SLC9B1: variants seen among roughly 807,000 people sequenced by gnomAD.
SLC9B1 encodes the protein solute carrier family 9 member B1, also known as sodium/hydrogen exchanger 9B1.
A neutral mutation model predicts 51.7 loss-of-function variants in SLC9B1; 32 were observed. The ratio of observed to expected loss-of-function variants is 0.62; its 90% CI spans 0.47 to 0.83. The LOEUF (loss-of-function observed/expected upper bound fraction) is 0.83. SLC9B1 is among the 40% of genes least tolerant of loss of function. SLC9B1 has a pLI of 0.00. For missense variants in SLC9B1, 406 were observed against 613.2 expected, an observed-to-expected ratio of 0.66 and a Z score of 3.57; for synonymous variants, 145 against 212.7, an observed-to-expected ratio of 0.68 and a Z score of 2.77.
chr4:102,888,505 A>C (rs1255183581), intron 11 of SLC9B1: 1 of 152,260 alleles, frequency 6.6e-6, no homozygotes, highest in Non-Finnish European at 1.5e-5. Flanking sequence ...CACCCAGTTC[A>C]AACCCGTGTG....
intron 3 of SLC9B1, among the ~76,000 whole-genome samples, chr4:102,954,949 T>C (rs1737706709): frequency 6.6e-6 from 1 of 152,122 alleles, no homozygotes; most frequent in Admixed American, 6.5e-5. Context: ...AAAACAAACA[T>C]TTCAGGACCC....
intron 11 of SLC9B1, chr4:102,887,271 A>G: frequency 1.1e-6 from 1 of 936,732 alleles, no homozygotes; most frequent in Middle Eastern, 3.2e-4. Context: ...TTCTGAGAGC[A>G]TTTCACAAAT....
chr4:102,893,454 G>A (rs1304314883), intron 11 of SLC9B1, among the ~76,000 whole-genome samples: 2 of 152,128 alleles, frequency 1.3e-5, no homozygotes, highest in Non-Finnish European at 2.9e-5. Flanking sequence ...TAATAGACCA[G>A]TTACAAAGAA....
At chr4:102,993,540 C>T (rs191468373) in intron 1 of SLC9B1, among the ~76,000 whole-genome samples, 58 of 152,352 alleles carry the variant, frequency 3.8e-4, no homozygotes, top group African/African-American at 1.1e-3. Context: ...TTTCCAGGCA[C>T]ATGGTGCAAG....
chr4:102,927,211 C>A (rs367834735), intron 7 of SLC9B1, among the ~76,000 whole-genome samples: 1 of 152,184 alleles, frequency 6.6e-6, no homozygotes, highest in Admixed American at 6.5e-5. Context: ...ATGACTAAAA[C>A]ACCAATAGTA....
intron 6 of SLC9B1, among the ~76,000 whole-genome samples, chr4:102,937,412 TAAAA>T (rs754801733): frequency 1.8e-3 from 81 of 45,236 alleles, no homozygotes; most frequent in Admixed American, 2.7e-3. Flanking sequence ...TCAGCATTCT[TAAAA>T]AAAAAAAAAA....
chr4:102,921,152 AC>A (rs1735854031), intron 7 of SLC9B1, among the ~76,000 whole-genome samples: 1 of 152,204 alleles, frequency 6.6e-6, no homozygotes, highest in African/African-American at 2.4e-5. Flanking sequence ...TGTTAAGGGC[AC>A]CCAGAGAGAA....
At position 102,915,111 on chromosome 4, in the gene SLC9B1, A is replaced by G. The variant is rs547845380; in HGVS notation, c.830-3574T>C. On this transcript the variant is annotated intron_variant, in intron 7 of 11. Transcript: ENST00000296422. ...TATTAAAAGGGCTGAAAGAAAAAAA[A>G]AAAACTGTCAACCAAGAACTGTATA... Among the ~76,000 whole-genome samples the G allele has an allele frequency of 2.7e-3, 418 of 152,304 alleles. 3 individuals carry two copies. The highest frequency in any genetic ancestry group is 0.014 in the Middle Eastern group (4 of 294).
At chr4:102,928,289 G>C (rs994173457) in intron 7 of SLC9B1, among the ~76,000 whole-genome samples, 13 of 152,158 alleles carry the variant, frequency 8.5e-5, no homozygotes, top group Admixed American at 7.9e-4. Context: ...CAGTTTCAAA[G>C]TTCCATAAAT....
At position 102,970,680 on chromosome 4, in the gene SLC9B1, GAC is replaced by G. The variant is rs373938390; in HGVS notation, c.211+19118_211+19119del. On this transcript the variant is annotated intron_variant, in intron 3 of 11. Transcript: ENST00000296422. ...AATGGGCTAAATGCCCCAATTAAAA[GAC>G]ACAGACTGGCAAACTGGATAAAGAG... Among the ~76,000 whole-genome samples, 94 of 152,274 alleles carry G rather than the reference GAC, an allele frequency of 6.2e-4. 2 individuals are homozygous for G. The East Asian group carries it at 0.017, about 27-fold the overall frequency.
At chr4:102,886,469 C>T (rs945192878) in intron 11 of SLC9B1, among the ~76,000 whole-genome samples, 1 of 151,268 alleles carries the variant, frequency 6.6e-6, no homozygotes, top group African/African-American at 2.4e-5. Flanking sequence ...CCAGCCTGGG[C>T]GACAAGGTGA....
At chr4:102,912,709 C>G (rs1735396210) in intron 7 of SLC9B1, among the ~76,000 whole-genome samples, 1 of 152,014 alleles carries the variant, frequency 6.6e-6, no homozygotes, top group South Asian at 2.1e-4. Flanking sequence ...AGTGAAACCC[C>G]ATCTTTACAA....
At chr4:102,982,311 A>G (rs1739403147) in intron 3 of SLC9B1, among the ~76,000 whole-genome samples, 2 of 152,236 alleles carry the variant, frequency 1.3e-5, no homozygotes, top group South Asian at 4.1e-4. Context: ...TCGTAGCTTT[A>G]CAGTAAGTCT....
chr4:102,982,183 C>T (rs1050407863), intron 3 of SLC9B1, among the ~76,000 whole-genome samples: 5 of 151,760 alleles, frequency 3.3e-5, no homozygotes, highest in African/African-American at 1.2e-4. Context: ...CATTGTATTG[C>T]CTTTATTCCT....
intron 1 of SLC9B1, among the ~76,000 whole-genome samples, chr4:103,001,338 G>A (rs1424554621): frequency 1.3e-5 from 2 of 152,312 alleles, no homozygotes. Flanking sequence ...TCTGCAGGCA[G>A]CTTGAACTTC....
intron 1 of SLC9B1, among the ~76,000 whole-genome samples, chr4:103,000,160 G>A (rs1034815977): frequency 2.0e-5 from 3 of 152,172 alleles, no homozygotes; most frequent in African/African-American, 7.2e-5. Context: ...TACACATGGA[G>A]ATTACAATAT....
intron 3 of SLC9B1, among the ~76,000 whole-genome samples, chr4:102,983,286 C>A (rs1456428917): frequency 2.0e-5 from 3 of 152,018 alleles, no homozygotes; most frequent in Non-Finnish European, 4.4e-5. Context: ...CTGTTTAATT[C>A]AATTTGTTAA....
At chr4:103,002,577 TAA>T (rs1740582581) in intron 1 of SLC9B1, among the ~76,000 whole-genome samples, 2 of 152,254 alleles carry the variant, frequency 1.3e-5, no homozygotes, top group East Asian at 3.9e-4. Context: ...CTTTAGGAAG[TAA>T]AAAAGAGTCT....
intron 7 of SLC9B1, among the ~76,000 whole-genome samples, chr4:102,919,657 A>G (rs1735763845): frequency 6.6e-6 from 1 of 152,188 alleles, no homozygotes; most frequent in Admixed American, 6.5e-5. Context: ...TTCCTAGCCA[A>G]GGGAAGCCGT....
Sources: allele counts gnomAD v4.1 joint callset (sites outside exome capture counted in the v4.1 genomes callset), GRCh38; gene constraint gnomAD v4.1.1; transcripts MANE v1.5; gene names NCBI Gene and HGNC (gene_info 2026-07-23, HGNC 2026-07-21).